UVSSA: variants seen among roughly 807,000 people sequenced by gnomAD.
The protein encoded by UVSSA is UV stimulated scaffold protein A, also known as UV-stimulated scaffold protein A.
A neutral mutation model predicts 73.9 loss-of-function variants in UVSSA; 72 were observed. The observed-to-expected ratio is 0.97, with a 90% CI of 0.81 to 1.19. The LOEUF (loss-of-function observed/expected upper bound fraction) is 1.19, where lower values mean the gene tolerates loss of function less well. Among genes scored for constraint, UVSSA ranks in the 50% most tolerant of loss-of-function variants. UVSSA has a pLI of 0.00. For synonymous variants in UVSSA, 454 were observed against 391.3 expected (o/e 1.16, Z -1.89); for missense variants, 1,150 against 965.0 (o/e 1.19, Z -2.54).
At chr4:1,353,562 C>G (rs1427477813) in intron 5 of UVSSA, 149 bp downstream of exon 5, 4 of 1,127,478 alleles carry the variant, frequency 3.5e-6, no homozygotes, top group Non-Finnish European at 4.8e-6. Flanking sequence ...TTTTTCCTTT[C>G]TGTGTGGCCT....
chr4:1,381,086 C>G, intron 12 of UVSSA, 98 bp downstream of exon 12: 1 of 1,147,590 alleles, frequency 8.7e-7, no homozygotes, highest in Non-Finnish European at 1.2e-6. Context: ...AGCACCCGCT[C>G]TGCCAGCTTC....
upstream of UVSSA, among the ~76,000 whole-genome samples, chr4:1,345,644 CAAAAAAAAAAAAAAAAAAAA>C (rs71168831): frequency 1.8e-5 from 1 of 55,928 alleles, no homozygotes; most frequent in South Asian, 8.8e-4. Context: ...GACTTTGTCT[CAAAAAAAAAAAAAAAAAAAA>C]AAAAAAAAAA....
intron 13 of UVSSA, chr4:1,385,644 C>T (rs1025672502): frequency 3.5e-6 from 2 of 578,736 alleles, no homozygotes; most frequent in African/African-American, 3.7e-5. Flanking sequence ...GCAGACTCCG[C>T]TTCTGGGACC....
At position 1,394,419 on chromosome 4, in the gene UVSSA, C is replaced by A. The variant is rs866362972; in HGVS notation, c.*8458C>A. On this transcript the variant is annotated 3_prime_UTR_variant, in exon 14 of 14. Transcript: ENST00000511216. ...ATGGGTTTCATTTTCATATTGAAAT[C>A]ATTGATCTACTTCTAGTTTTTGATA... is the stretch of plus-strand genomic sequence containing the variant. The A allele has an allele frequency of 1.9e-6, 3 of 1,575,750 alleles. No homozygotes were observed. In the Admixed American group the frequency reaches 5.3e-5, roughly 28 times the overall value.
In UVSSA at chr4:1,351,916, G is replaced by A. The variant is rs535496473; in HGVS notation, c.550+81G>A. On this transcript the variant is annotated intron_variant, in intron 4 of 13. Transcript: ENST00000389851. The stretch of plus-strand genomic sequence containing the variant: ...AGCAGTTCATCCTCCTGGTCCCAGG[G>A]CCCCAGCCGCAAGGAACCCAGGTTT... 8.3e-4 allele frequency: 1,287 copies of A among 1,558,996 alleles called. 32 individuals are homozygous for A. The South Asian group carries it at 0.013, about 16-fold the overall frequency.
chr4:1,381,770 C>T (rs76918176), intron 12 of UVSSA, among the ~76,000 whole-genome samples: 2,436 of 149,850 alleles, frequency 0.016, 70 homozygotes, highest in African/African-American at 0.057. Context: ...CTCCCAGGTT[C>T]GAGCGATCCT....
chr4:1,382,637 C>A (rs547456691), intron 12 of UVSSA, among the ~76,000 whole-genome samples: 8 of 152,336 alleles, frequency 5.3e-5, no homozygotes, highest in African/African-American at 1.9e-4. Context: ...AACTGTGGCG[C>A]CTTCTTATTA....
At chr4:1,373,349 C>T (rs1397469632) in intron 8 of UVSSA, among the ~76,000 whole-genome samples, 2 of 152,142 alleles carry the variant, frequency 1.3e-5, no homozygotes, top group East Asian at 1.9e-4. Flanking sequence ...GGCTGGGAGG[C>T]GAGGCCGTCC....
chr4:1,355,304 G>C, intron 7 of UVSSA, 59 bp downstream of exon 7: 1 of 1,438,878 alleles, frequency 6.9e-7, no homozygotes, highest in Non-Finnish European at 9.5e-7. Context: ...GGGAGGAGAA[G>C]CTGTGGGGGG....
At chr4:1,389,476 A>G (rs1202999746), downstream of UVSSA, 1 of 152,252 alleles carries the variant, frequency 6.6e-6, no homozygotes, top group East Asian at 1.9e-4. Flanking sequence ...GACTCAAGCA[A>G]TCTTCCCATC....
intron 3 of UVSSA, 75 bp downstream of exon 3, chr4:1,349,929 T>C (rs1435133141): frequency 7.4e-6 from 10 of 1,349,768 alleles, no homozygotes; most frequent in Non-Finnish European, 9.8e-6. Context: ...AGGGTGAAGA[T>C]GCGCCTCCTG....
rs1283390028 is a variant in UVSSA at position 1,348,120 on chromosome 4, A to C, written c.29A>C (p.Glu10Ala). 2 of 1,613,964 alleles carry C rather than the reference A, an allele frequency of 1.2e-6. No individual in the cohort carries two copies. Among genetic ancestry groups the C allele is most frequent in the Admixed American group, 3.3e-5 (2 of 60,026 alleles). Residue 10 changes from glutamate to alanine, a missense_variant, in exon 2 of 14, where the codon GAA becomes GCA. Transcript: ENST00000389851. MDQKLSKLV[E>A]ELTTSGEPRL... ...GATCAGAAACTTTCGAAGTTGGTAG[A>C]AGAGCTCACAACTTCAGGAGAACCC...
chr4:1,343,069 C>T (rs962259802), upstream of UVSSA, among the ~76,000 whole-genome samples: 5 of 152,164 alleles, frequency 3.3e-5, no homozygotes, highest in Admixed American at 2.6e-4. Context: ...GTGAACCTAT[C>T]ATCCCTATTT....
intron 8 of UVSSA, among the ~76,000 whole-genome samples, chr4:1,368,091 G>C (rs766214852): frequency 8.5e-5 from 13 of 152,218 alleles, no homozygotes; most frequent in Non-Finnish European, 1.9e-4. Flanking sequence ...GCTGCAGCCG[G>C]GGCCTAGGCA....
chr4:1,394,361 G>T (rs1386184574), exon 14 of UVSSA: 33 of 1,318,134 alleles, frequency 2.5e-5, no homozygotes, highest in Non-Finnish European at 7.2e-6. Context: ...GATTATATTT[G>T]AAATGTTTTC....
chr4:1,382,416 T>A (rs1399893366), intron 12 of UVSSA, among the ~76,000 whole-genome samples: 1 of 152,224 alleles, frequency 6.6e-6, no homozygotes, highest in Non-Finnish European at 1.5e-5. Flanking sequence ...GGCGCAATTT[T>A]CCTTTCCCTG....
intron 2 of UVSSA, 125 bp from the exon 3 acceptor site, chr4:1,349,399 G>C (rs570311956): frequency 1.1e-6 from 1 of 905,886 alleles, no homozygotes; most frequent in South Asian, 1.7e-5. Context: ...GAAAAGGGGA[G>C]AATGAAGATG....
At chr4:1,364,319 C>T (rs28509315) in intron 7 of UVSSA, among the ~76,000 whole-genome samples, 21,166 of 139,040 alleles carry the variant, frequency 0.15, 3,470 homozygotes, top group African/African-American at 0.25. Context: ...TGGCCTGGCT[C>T]CGTGGGGGCC....
chr4:1,376,390 T>C lies in UVSSA; in HGVS notation c.1568+222T>C, dbSNP rs367622433. ...GCTTTTTTGAGCCTTTCTGCTGCTG[T>C]GTCGGGGGCCATCCATGGAGCTTGG... On this transcript the variant is annotated intron_variant, in intron 10 of 13. Coordinates refer to ENST00000389851, the MANE Select transcript of UVSSA (RefSeq NM_020894.4). Among the ~76,000 whole-genome samples, 456 of 152,284 alleles carry C rather than the reference T, an allele frequency of 3.0e-3. 5 individuals carry two copies. Among genetic ancestry groups the C allele is most frequent in the African/African-American group, 0.011 (441 of 41,564 alleles).
Sources: gnomAD v4.1 joint callset for allele counts (sites outside exome capture counted in the v4.1 genomes callset) on GRCh38, gnomAD v4.1.1 for gene constraint, MANE v1.5 for transcripts, NCBI Gene and HGNC (gene_info 2026-07-23, HGNC 2026-07-21) for gene names.